The following VRK1 variants were observed in gnomAD, a reference collection of about 807,000 sequenced individuals.
The protein encoded by VRK1 is serine/threonine-protein kinase VRK1.
A neutral mutation model predicts 57.1 loss-of-function variants in VRK1; 33 were observed. The ratio of observed to expected loss-of-function variants is 0.58; its 90% confidence interval spans 0.44 to 0.77. The LOEUF (loss-of-function observed/expected upper bound fraction) is 0.77, where lower values mean the gene tolerates loss of function less well. Among genes scored for constraint, VRK1 ranks in the 30% least tolerant of loss-of-function variants. VRK1 has a pLI of 0.00. For missense variants in VRK1, 413 were observed against 477.3 expected (o/e 0.87, Z 1.25); for synonymous variants, 137 against 147.8 (o/e 0.93, Z 0.53).
At chr14:96,863,392 A>G (rs1888463575) in intron 11 of VRK1, among the ~76,000 whole-genome samples, 2 of 152,320 alleles carry the variant, frequency 1.3e-5, no homozygotes, top group South Asian at 4.1e-4. Flanking sequence ...GGCTACGGAG[A>G]TCAATGACAT....
chr14:96,818,321 A>G (rs1487843247), intron 1 of VRK1, among the ~76,000 whole-genome samples: 1 of 152,222 alleles, frequency 6.6e-6, no homozygotes, highest in Non-Finnish European at 1.5e-5. Flanking sequence ...TACTCACTAT[A>G]CCAAAACATT....
At chr14:96,840,469 T>C (rs114722350) in intron 3 of VRK1, among the ~76,000 whole-genome samples, 2,280 of 152,306 alleles carry the variant, frequency 0.015, 63 homozygotes, top group African/African-American at 0.052. Flanking sequence ...TGGATTTTTC[T>C]TCTTCTTCAT....
At chr14:96,803,462 G>T (rs141683176) in intron 1 of VRK1, among the ~76,000 whole-genome samples, 8 of 152,228 alleles carry the variant, frequency 5.3e-5, no homozygotes, top group African/African-American at 1.9e-4. Context: ...GTGAGCCACC[G>T]CATCTGGCCG....
intron 11 of VRK1, among the ~76,000 whole-genome samples, chr14:96,874,161 A>G (rs1888934078): frequency 6.6e-6 from 1 of 152,202 alleles, no homozygotes; most frequent in South Asian, 2.1e-4. Context: ...GCTGTATGGA[A>G]AGCAATATAG....
At chr14:96,839,898 C>G (rs1443894517) in intron 3 of VRK1, among the ~76,000 whole-genome samples, 1 of 152,124 alleles carries the variant, frequency 6.6e-6, no homozygotes, top group Non-Finnish European at 1.5e-5. Flanking sequence ...GTGGCAATTA[C>G]ATTGATTGAT....
At chr14:96,846,186 C>T (rs767102801) in intron 4 of VRK1, 22 bp downstream of exon 4, 32 of 1,610,204 alleles carry the variant, frequency 2.0e-5, no homozygotes, top group Non-Finnish European at 2.5e-5. Context: ...AGTACACATA[C>T]GTTTACACTT....
intron 1 of VRK1, among the ~76,000 whole-genome samples, chr14:96,819,529 C>T (rs922839061): frequency 5.9e-5 from 9 of 152,234 alleles, no homozygotes; most frequent in African/African-American, 2.2e-4. Context: ...TAGGTTGGTG[C>T]ACAAATAATT....
intron 11 of VRK1, among the ~76,000 whole-genome samples, chr14:96,866,648 T>C (rs1888598255): frequency 6.6e-6 from 1 of 152,152 alleles, no homozygotes; most frequent in Admixed American, 6.5e-5. Flanking sequence ...GAGGGTTTCC[T>C]CTTTTCAACG....
intron 1 of VRK1, among the ~76,000 whole-genome samples, chr14:96,829,634 C>G (rs1051925397): frequency 6.6e-6 from 1 of 152,144 alleles, no homozygotes; most frequent in African/African-American, 2.4e-5. Flanking sequence ...CATAATTACT[C>G]ATTTGCATCA....
At chr14:96,860,011 C>T (rs1396973337) in intron 10 of VRK1, among the ~76,000 whole-genome samples, 2 of 151,978 alleles carry the variant, frequency 1.3e-5, no homozygotes, top group Non-Finnish European at 2.9e-5. Context: ...TGGTGTGGTT[C>T]TGTCTAAGTG....
chr14:96,852,421 T>C lies in VRK1; in HGVS notation c.375-410T>C, dbSNP rs17094546. On this transcript the variant is annotated intron_variant, in intron 5 of 12. Coordinates refer to ENST00000216639, the MANE Select transcript of VRK1 (RefSeq NM_003384.3). ...GCAGAATGTTGTTACTGCTGAAATA[T>C]ACCTTAAAAATAAGGAGAAACAGTC... is the stretch of plus-strand genomic sequence containing the variant. 3.4e-3 allele frequency among the ~76,000 whole-genome samples: 522 copies of C among 152,340 alleles called. 5 individuals carry two copies. Among genetic ancestry groups the C allele is most frequent in the African/African-American group, 0.012 (495 of 41,574 alleles).
intron 12 of VRK1, 78 bp downstream of exon 12, chr14:96,876,198 C>T: frequency 7.5e-7 from 1 of 1,331,486 alleles, no homozygotes; most frequent in Non-Finnish European, 1.1e-6. Context: ...GAGGGGTCAA[C>T]TATTTGGGTC....
chr14:96,878,469 T>G (rs1242216819), intron 12 of VRK1, among the ~76,000 whole-genome samples: 1 of 152,208 alleles, frequency 6.6e-6, no homozygotes, highest in African/African-American at 2.4e-5. Context: ...AATTTATGAT[T>G]TACAGTATGG....
intron 3 of VRK1, among the ~76,000 whole-genome samples, chr14:96,839,000 C>G (rs886989094): frequency 1.1e-4 from 17 of 151,908 alleles, no homozygotes; most frequent in African/African-American, 3.6e-4. Flanking sequence ...TAGAGCATTT[C>G]CATCATACTA....
intron 11 of VRK1, among the ~76,000 whole-genome samples, chr14:96,865,964 A>T (rs958915749): frequency 6.6e-6 from 1 of 151,946 alleles, no homozygotes; most frequent in African/African-American, 2.4e-5. Context: ...AGTATTTTTA[A>T]ATGTAGTTTT....
intron 3 of VRK1, among the ~76,000 whole-genome samples, chr14:96,844,363 C>G (rs956180702): frequency 2.0e-5 from 3 of 152,120 alleles, no homozygotes; most frequent in African/African-American, 7.2e-5. Context: ...TTGTTGCATG[C>G]CAAGCCATGA....
At chr14:96,843,441 C>T (rs1351771045) in intron 3 of VRK1, among the ~76,000 whole-genome samples, 2 of 152,160 alleles carry the variant, frequency 1.3e-5, no homozygotes, top group African/African-American at 4.8e-5. Flanking sequence ...TGATTTTCCT[C>T]ACTGATGTTA....
At chr14:96,799,890 A>G (rs749635886) in intron 1 of VRK1, among the ~76,000 whole-genome samples, 3 of 151,130 alleles carry the variant, frequency 2.0e-5, no homozygotes, top group Admixed American at 6.6e-5. Flanking sequence ...TGCAAAGTCT[A>G]TTGCTATTGT....
Position 96,837,937 on chromosome 14 carries a change from TA to T in VRK1, c.216+126del, listed in dbSNP as rs1887285669. 7 of 549,076 alleles carry T rather than the reference TA, an allele frequency of 1.3e-5. No homozygotes were observed. In the Admixed American group the frequency reaches 1.6e-4, roughly 12 times the overall value. 34.0% of individuals were successfully genotyped at this position (549,076 alleles called of 1,614,324 possible). A position where few individuals can be genotyped will look rare whatever the true frequency, so the allele number is the denominator to read the frequency against. On this transcript the variant is annotated intron_variant, in intron 3 of 12. Coordinates refer to ENST00000216639, the MANE Select transcript of VRK1 (RefSeq NM_003384.3). ...ATAAGATACTACATTTTTAATAACT[TA>T]AAAAATATTTAATAAGACACAAAAG...
Sources: allele counts gnomAD v4.1 joint callset (sites outside exome capture counted in the v4.1 genomes callset), GRCh38; gene constraint gnomAD v4.1.1; transcripts MANE v1.5; gene names NCBI Gene and HGNC (gene_info 2026-07-23, HGNC 2026-07-21).